Variants in AADAC observed in about 807,000 individuals in gnomAD.
AADAC encodes the protein arylacetamide deacetylase (esterase).
A neutral mutation model predicts 22.7 loss-of-function variants in AADAC; 17 were observed. That is an observed-to-expected ratio of 0.75 (90% CI 0.51 to 1.12). The LOEUF (loss-of-function observed/expected upper bound fraction) is 1.12. AADAC is among the 50% of genes most tolerant of loss of function. The probability of loss-of-function intolerance (pLI) is 0.00; values close to 1 mark genes in which losing one functional copy is unlikely to be tolerated. For missense variants in AADAC, 465 were observed against 473.9 expected (o/e 0.98, Z 0.17); for synonymous variants, 167 against 176.3 (o/e 0.95, Z 0.42).
chr3:151,817,418 T>A lies in AADAC; in HGVS notation c.191T>A (p.Val64Asp). Reference sequence around the variant, plus strand: ...CACCATTTTATGGATTCCTTTAAGGTTGTCGGGAGCTTTGATGAAGTCCCA... The same window carrying A: ...CACCATTTTATGGATTCCTTTAAGGATGTCGGGAGCTTTGATGAAGTCCCA... ...GLHHFMDSFK[V>D]VGSFDEVPPT... The change falls in exon 2 of 5, where the codon GTT (valine) becomes GAT (aspartate). Residue 64 changes from valine (V) to aspartate (D), a missense_variant. Coordinates refer to ENST00000232892, the MANE Select transcript of AADAC (RefSeq NM_001086.3). The A allele has an allele frequency of 6.2e-7, 1 of 1,613,754 alleles. No homozygotes were observed. Among genetic ancestry groups the A allele is most frequent in the Non-Finnish European group, 8.5e-7 (1 of 1,179,758 alleles).
chr3:151,819,342 T>C (rs180908842), intron 2 of AADAC, among the ~76,000 whole-genome samples: 8 of 152,026 alleles, frequency 5.3e-5, no homozygotes, highest in African/African-American at 1.9e-4. Context: ...GTAAGTAGGA[T>C]GGAAGTATGT....
At chr3:151,820,642 C>T (rs1197346537) in intron 3 of AADAC, among the ~76,000 whole-genome samples, 190 bp downstream of exon 3, 4 of 141,294 alleles carry the variant, frequency 2.8e-5, no homozygotes, top group East Asian at 2.0e-4. Context: ...CTCAGCCTCC[C>T]GAGTAGCTGG....
Position 151,822,246 on chromosome 3 carries a change from G to A in AADAC, c.431+1794G>A, listed in dbSNP as rs144293805. 1.9e-4 allele frequency among the ~76,000 whole-genome samples: 29 copies of A among 151,910 alleles called. No individual in the cohort carries two copies. In the East Asian group the frequency reaches 2.7e-3, roughly 14 times the overall value. On this transcript the variant is annotated intron_variant, in intron 3 of 4. Coordinates refer to ENST00000232892, the MANE Select transcript of AADAC (RefSeq NM_001086.3). ...TACTGCTGGTGGGAATAAACACTTC[G>A]GCAGCTCCTTAAAAGTTCAAACAGA...
At chr3:151,823,259 C>G (rs1256396512) in intron 3 of AADAC, among the ~76,000 whole-genome samples, 2 of 149,440 alleles carry the variant, frequency 1.3e-5, no homozygotes, top group African/African-American at 4.9e-5. Context: ...GCCTGGGCAA[C>G]AGAACTAGAC....
chr3:151,820,196 C>T (rs1716178217), intron 2 of AADAC, among the ~76,000 whole-genome samples, 187 bp from the exon 3 acceptor site: 1 of 151,914 alleles, frequency 6.6e-6, no homozygotes, highest in South Asian at 2.1e-4. Context: ...CACTGGGAAA[C>T]TTGAATTCCA....
intron 2 of AADAC, among the ~76,000 whole-genome samples, chr3:151,818,011 G>A (rs1485420528): frequency 6.6e-6 from 1 of 151,896 alleles, no homozygotes; most frequent in Admixed American, 6.6e-5. Flanking sequence ...GGCCAAGGCG[G>A]GTGGATAACT....
At chr3:151,816,468 T>C (rs1360259773) in intron 1 of AADAC, among the ~76,000 whole-genome samples, 1 of 152,098 alleles carries the variant, frequency 6.6e-6, no homozygotes, top group East Asian at 1.9e-4. Flanking sequence ...GTATTTACAT[T>C]GTTTTGTAAC....
At position 151,814,185 on chromosome 3, in the gene AADAC, T is replaced by G; in HGVS notation, c.23T>G (p.Leu8Arg). 6.2e-7 allele frequency: 1 copy of G among 1,613,416 alleles called. No individual in the cohort carries two copies. The highest frequency in any genetic ancestry group is 8.5e-7 in the Non-Finnish European group (1 of 1,179,556). The change falls in exon 1 of 5, where the codon CTT (leucine) becomes CGT (arginine). Residue 8 changes from leucine (L) to arginine (R), a missense_variant. Leu to Arg is a moderately radical substitution (Grantham distance 102, BLOSUM62 -2). Coordinates refer to ENST00000232892, the MANE Select transcript of AADAC (RefSeq NM_001086.3). ...ACCATGGGAAGAAAATCGCTGTACC[T>G]TCTGATTGTGGGGATCCTCATAGCA... MGRKSLY[L>R]LIVGILIAYY...
Position 151,828,422 on chromosome 3 carries a change from T to C in AADAC, c.*250T>C. The C allele has an allele frequency of 8.8e-6, 2 of 226,150 alleles. No homozygotes were observed. Among genetic ancestry groups the C allele is most frequent in the Non-Finnish European group, 1.7e-5 (2 of 116,638 alleles). 14.0% of individuals were successfully genotyped at this position (226,150 alleles called of 1,614,324 possible). On this transcript the variant is annotated 3_prime_UTR_variant, in exon 5 of 5. Transcript: ENST00000232892. ...TATTTTAAAAAATATTACATTCTTG[T>C]ATACTTTATTTTTGTGAGTTGGCTA...
In AADAC at chr3:151,814,241, G is replaced by A. The variant is rs530863195; in HGVS notation, c.79G>A (p.Val27Ile). The change falls in exon 1 of 5, where the codon GTT becomes ATT. Residue 27 changes from valine to isoleucine, a missense_variant. By Grantham distance (29) the Val-to-Ile change is conservative. Transcript: ENST00000232892. ...TATTTATACGCCTCTCCCAGATAACGTTGAGGAGCCATGGAGAATGATGTG... is the reference window on the plus strand; with the variant it reads ...TATTTATACGCCTCTCCCAGATAACATTGAGGAGCCATGGAGAATGATGTG... ...YYIYTPLPDN[V>I]EEPWRMMWIN... 1.1e-5 allele frequency: 18 copies of A among 1,613,140 alleles called. No homozygotes were observed. The highest frequency in any genetic ancestry group is 8.8e-5 in the South Asian group (8 of 91,058).
rs918887951 is a variant in AADAC at position 151,828,308 on chromosome 3, T to G, written c.*136T>G. On this transcript the variant is annotated 3_prime_UTR_variant, in exon 5 of 5. Coordinates refer to ENST00000232892, the MANE Select transcript of AADAC (RefSeq NM_001086.3). ...TAATTCTTAAATAGGCACTTTTCTG[T>G]TTTTTTTTTCTTACTGTGGGATTTC... 9.3e-6 allele frequency: 4 copies of G among 430,124 alleles called. No homozygotes were observed. The highest frequency in any genetic ancestry group is 3.8e-5 in the East Asian group (1 of 26,494). The allele number at this position is 430,124 out of a possible 1,614,324, so 26.6% of individuals were successfully genotyped here.
chr3:151,827,535 T>G (rs62272918), intron 4 of AADAC, 41 bp from the exon 5 acceptor site: 1,009,487 of 1,301,376 alleles, frequency 0.78, 395,078 homozygotes, highest in Middle Eastern at 0.82. Context: ...ATTTTATTGT[T>G]TTAAATGAAA....
chr3:151,823,341 TTG>T (rs1254835530), intron 3 of AADAC, among the ~76,000 whole-genome samples: 1 of 151,868 alleles, frequency 6.6e-6, no homozygotes, highest in African/African-American at 2.4e-5. Flanking sequence ...GTCTTAAAGT[TTG>T]TGTGTGTATA....
chr3:151,822,835 T>C (rs1276464658), intron 3 of AADAC, among the ~76,000 whole-genome samples: 1 of 152,026 alleles, frequency 6.6e-6, no homozygotes, highest in Non-Finnish European at 1.5e-5. Flanking sequence ...TGCACAACTC[T>C]GAATATATTG....
Position 151,823,863 on chromosome 3 carries a change from A to G in AADAC, c.432-800A>G, listed in dbSNP as rs904274511. Reference sequence around the variant, plus strand: ...AAGACTGCAAGCAGCCTAAATCCCCATAACATTTTTTTACTTGGAAAAATA... The same window carrying G: ...AAGACTGCAAGCAGCCTAAATCCCCGTAACATTTTTTTACTTGGAAAAATA... On this transcript the variant is annotated intron_variant, in intron 3 of 4. Coordinates refer to ENST00000232892, the MANE Select transcript of AADAC (RefSeq NM_001086.3). 1.0e-4 allele frequency among the ~76,000 whole-genome samples: 15 copies of G among 147,216 alleles called. 1 individual carries two copies. The highest frequency in any genetic ancestry group is 1.0e-3 in the Admixed American group (15 of 14,732).
chr3:151,825,577 A>T (rs1576645841), intron 4 of AADAC, among the ~76,000 whole-genome samples: 1 of 152,022 alleles, frequency 6.6e-6, no homozygotes, highest in African/African-American at 2.4e-5. Context: ...GAAAATTATC[A>T]ACACATTCAA....
In AADAC at chr3:151,824,950, A is replaced by AT. The variant is rs1221878541; in HGVS notation, c.603+122dup. The AT allele has an allele frequency of 2.1e-5, 14 of 671,820 alleles. No homozygotes were observed. The African/African-American group carries it at 4.5e-4, about 21-fold the overall frequency. The allele number at this position is 671,820 out of a possible 1,614,324, so 41.6% of individuals were successfully genotyped here. On this transcript the variant is annotated intron_variant, in intron 4 of 4. Transcript: ENST00000232892. Reference sequence around the variant, plus strand: ...ATATGAATGCAAATAGGAGATATTGATTTTTTGAAACTATTAAAGAGAATA... The same window carrying AT: ...ATATGAATGCAAATAGGAGATATTGATTTTTTTGAAACTATTAAAGAGAATA...
At chr3:151,819,185 GCAAA>G (rs1716130286) in intron 2 of AADAC, among the ~76,000 whole-genome samples, 1 of 151,970 alleles carries the variant, frequency 6.6e-6, no homozygotes, top group Admixed American at 6.6e-5. Flanking sequence ...TCTGGGGAAT[GCAAA>G]CAAAATTGTT....
At chr3:151,815,322 A>G (rs1402052819) in intron 1 of AADAC, among the ~76,000 whole-genome samples, 1 of 152,060 alleles carries the variant, frequency 6.6e-6, no homozygotes, top group Non-Finnish European at 1.5e-5. Flanking sequence ...TTTCCAGCAG[A>G]GACACCAACA....
Sources: gnomAD v4.1 joint callset for allele counts (sites outside exome capture counted in the v4.1 genomes callset) on GRCh38, gnomAD v4.1.1 for gene constraint, MANE v1.5 for transcripts, NCBI Gene and HGNC (gene_info 2026-07-23, HGNC 2026-07-21) for gene names.